EFCAB5: variants seen among roughly 807,000 people sequenced by gnomAD.
EFCAB5 encodes EF-hand calcium-binding domain-containing protein 5.
Under a neutral mutation model 167.9 loss-of-function variants are expected in EFCAB5, and 131 were observed. That is an observed-to-expected ratio of 0.78 (90% confidence interval 0.68 to 0.90). The LOEUF (loss-of-function observed/expected upper bound fraction) is 0.90. EFCAB5 is among the 40% of genes least tolerant of loss of function. The probability of loss-of-function intolerance (pLI) is 0.00; values close to 1 mark genes in which losing one functional copy is unlikely to be tolerated. For synonymous variants in EFCAB5, 574 were observed against 602.8 expected, an observed-to-expected ratio of 0.95 and a Z score of 0.70; for missense variants, 1,663 against 1,745.2, an observed-to-expected ratio of 0.95 and a Z score of 0.84.
At position 29,964,603 on chromosome 17, in the gene EFCAB5, T is replaced by C. The variant is rs117402514; in HGVS notation, c.191-4188T>C. Among the ~76,000 whole-genome samples the C allele has an allele frequency of 9.9e-4, 151 of 152,228 alleles. 3 individuals carry two copies. The East Asian group carries it at 0.025, about 25-fold the overall frequency. ...CCACCGCGCCCAGCTTATAATTGTTTTTTGTTTTTGTTTTTTAATCTCTGT... is the reference window on the plus strand; with the variant it reads ...CCACCGCGCCCAGCTTATAATTGTTCTTTGTTTTTGTTTTTTAATCTCTGT... On this transcript the variant is annotated intron_variant, in intron 3 of 22. Transcript: ENST00000394835.
chr17:29,979,931 G>A (rs1307895896), intron 4 of EFCAB5, among the ~76,000 whole-genome samples: 2 of 152,166 alleles, frequency 1.3e-5, no homozygotes, highest in Non-Finnish European at 2.9e-5. Context: ...CACTTTAGGA[G>A]GCTGAGGCAG....
At chr17:29,951,546 G>C (rs557977914) in intron 3 of EFCAB5, among the ~76,000 whole-genome samples, 2 of 150,866 alleles carry the variant, frequency 1.3e-5, no homozygotes, top group African/African-American at 4.9e-5. Context: ...TAGTAGAGAC[G>C]GGGTTTCACC....
At position 30,078,240 on chromosome 17, in the gene EFCAB5, GCCACAC is replaced by G; in HGVS notation, c.2766_2771del (p.His923_Pro924del). 3 of 1,613,224 alleles carry G rather than the reference GCCACAC, an allele frequency of 1.9e-6. No individual in the cohort carries two copies. Among genetic ancestry groups the G allele is most frequent in the Non-Finnish European group, 2.5e-6 (3 of 1,179,458 alleles). ...CTAAACTACACATCCAATTTCCAAAGCCACACCCTGGTCACGAAGTGAGATTGTCTT... is the reference window on the plus strand; with the variant it reads ...CTAAACTACACATCCAATTTCCAAAGCCTGGTCACGAAGTGAGATTGTCTT... On this transcript the variant is annotated inframe_deletion, in exon 15 of 23. Coordinates refer to ENST00000394835, the MANE Select transcript of EFCAB5 (RefSeq NM_198529.4).
intron 7 of EFCAB5, among the ~76,000 whole-genome samples, chr17:30,011,930 G>A (rs997103494): frequency 6.6e-6 from 1 of 152,150 alleles, no homozygotes; most frequent in African/African-American, 2.4e-5. Flanking sequence ...TTAATCATTA[G>A]TAGTACTTAT....
chr17:30,020,187 G>C (rs183794315), intron 7 of EFCAB5, among the ~76,000 whole-genome samples: 1 of 152,104 alleles, frequency 6.6e-6, no homozygotes, highest in African/African-American at 2.4e-5. Flanking sequence ...TGAATACTTA[G>C]ATGGTTCCAT....
At chr17:30,098,352 C>G (rs1256883928) in intron 22 of EFCAB5, among the ~76,000 whole-genome samples, 3 of 151,456 alleles carry the variant, frequency 2.0e-5, no homozygotes, top group Non-Finnish European at 4.4e-5. Context: ...TACTGAGACC[C>G]TGTCTCTGCA....
chr17:30,065,196 C>A (rs1015100238), intron 14 of EFCAB5, among the ~76,000 whole-genome samples: 1 of 151,958 alleles, frequency 6.6e-6, no homozygotes, highest in African/African-American at 2.4e-5. Context: ...CAAAGAAAAC[C>A]AACACACTGC....
In EFCAB5 at chr17:30,090,630, T is replaced by TA; in HGVS notation, c.3894dup (p.Leu1299ThrfsTer17). On this transcript the variant is annotated frameshift_variant, in exon 20 of 23. Coordinates refer to ENST00000394835, the MANE Select transcript of EFCAB5 (RefSeq NM_198529.4). LOFTEE classifies it high-confidence loss of function. ...GTGGTCCAAGTGGCCTGCTATGAAA[T>TA]ACTTGGCGAGTTCTCTGGAGAGATA... is the stretch of plus-strand genomic sequence containing the variant. 6.2e-7 allele frequency: 1 copy of TA among 1,613,924 alleles called. No individual in the cohort carries two copies. Among genetic ancestry groups the TA allele is most frequent in the Non-Finnish European group, 8.5e-7 (1 of 1,179,892 alleles).
intron 3 of EFCAB5, among the ~76,000 whole-genome samples, chr17:29,961,075 G>C (rs1372922448): frequency 6.6e-6 from 1 of 152,114 alleles, no homozygotes; most frequent in East Asian, 1.9e-4. Flanking sequence ...CAAAGCATGA[G>C]AGTTCCAATT....
At position 30,108,061 on chromosome 17, in the gene EFCAB5, T is replaced by A; in HGVS notation, c.*37T>A. 1 of 1,552,204 alleles carries A rather than the reference T, an allele frequency of 6.4e-7. No homozygotes were observed. Among genetic ancestry groups the A allele is most frequent in the Admixed American group, 2.2e-5 (1 of 44,852 alleles). On this transcript the variant is annotated 3_prime_UTR_variant, in exon 23 of 23. Coordinates refer to ENST00000394835, the MANE Select transcript of EFCAB5 (RefSeq NM_198529.4). ...AATGGAATTGATACTGTATTTAGGATCCTTTGTTTGTTATCAGTTTTGTTT... is the reference window on the plus strand; with the variant it reads ...AATGGAATTGATACTGTATTTAGGAACCTTTGTTTGTTATCAGTTTTGTTT...
At chr17:30,027,279 C>T (rs1371425967) in intron 7 of EFCAB5, among the ~76,000 whole-genome samples, 4 of 149,308 alleles carry the variant, frequency 2.7e-5, no homozygotes, top group Non-Finnish European at 5.9e-5. Context: ...GCCACCATGC[C>T]CAGCCACACC....
chr17:29,979,312 C>A (rs2151603493), intron 4 of EFCAB5, among the ~76,000 whole-genome samples: 1 of 151,988 alleles, frequency 6.6e-6, no homozygotes, highest in East Asian at 1.9e-4. Context: ...CATTGCACTC[C>A]AGCCTGAGTG....
Position 30,068,260 on chromosome 17 carries a change from C to T in EFCAB5, c.2737+8559C>T, listed in dbSNP as rs951157344. Reference sequence around the variant, plus strand: ...GAGCTTGCAGTGAGCTGAGATGGCGCCACTGCACTCCGGCCTGGGCAACAG... The same window carrying T: ...GAGCTTGCAGTGAGCTGAGATGGCGTCACTGCACTCCGGCCTGGGCAACAG... On this transcript the variant is annotated intron_variant, in intron 14 of 22. Transcript: ENST00000394835. Among the ~76,000 whole-genome samples the T allele has an allele frequency of 5.3e-5, 8 of 151,918 alleles. No individual in the cohort carries two copies. The South Asian group carries it at 8.3e-4, about 16-fold the overall frequency.
intron 14 of EFCAB5, among the ~76,000 whole-genome samples, chr17:30,064,049 T>C (rs570658711): frequency 1.3e-5 from 2 of 152,098 alleles, no homozygotes; most frequent in African/African-American, 4.8e-5. Context: ...TCTAGAAAGA[T>C]TGGAAGAGAC....
chr17:29,940,979 G>T (rs2067290661), upstream of EFCAB5, among the ~76,000 whole-genome samples: 1 of 151,888 alleles, frequency 6.6e-6, no homozygotes, highest in African/African-American at 2.4e-5. Context: ...GGCGGAGGTT[G>T]CAGTGAGCCG....
chr17:29,958,750 T>C (rs2067664889), intron 3 of EFCAB5, among the ~76,000 whole-genome samples: 1 of 152,184 alleles, frequency 6.6e-6, no homozygotes, highest in South Asian at 2.1e-4. Context: ...CTGGGCTTGT[T>C]TGTACCCATC....
intron 4 of EFCAB5, among the ~76,000 whole-genome samples, chr17:29,991,746 C>G (rs1372671988): frequency 1.3e-5 from 2 of 152,176 alleles, no homozygotes; most frequent in African/African-American, 4.8e-5. Flanking sequence ...TTTGGGGGGC[C>G]TGTTCCCAAC....
rs1355511761 is a variant in EFCAB5 at position 30,079,754 on chromosome 17, G to A, written c.3028-318G>A. Among the ~76,000 whole-genome samples, 7 of 152,128 alleles carry A rather than the reference G, an allele frequency of 4.6e-5. No individual in the cohort carries two copies. The East Asian group carries it at 1.3e-3, about 29-fold the overall frequency. On this transcript the variant is annotated intron_variant, in intron 15 of 22. Transcript: ENST00000394835. ...ACTTTCAATAGAAACACAGACAGTT[G>A]ACCATAGGTCAAAGGAATCCAAGTT...
chr17:29,968,257 C>A (rs938586594), intron 3 of EFCAB5: 15 of 427,820 alleles, frequency 3.5e-5, no homozygotes, highest in Middle Eastern at 5.2e-4. Context: ...TTGAACCAAA[C>A]CCTGGCACCA....
Sources: allele counts gnomAD v4.1 joint callset (sites outside exome capture counted in the v4.1 genomes callset), GRCh38; gene constraint gnomAD v4.1.1; transcripts MANE v1.5; gene names NCBI Gene and HGNC (gene_info 2026-07-23, HGNC 2026-07-21).